SV2B: variants seen among roughly 807,000 people sequenced by gnomAD.
SV2B encodes the protein solute carrier family 22 member B2.
A neutral mutation model predicts 73.9 loss-of-function variants in SV2B; 41 were observed. The ratio of observed to expected loss-of-function variants is 0.56; its 90% CI spans 0.43 to 0.72. SV2B has a LOEUF of 0.72. Among genes scored for constraint, SV2B ranks in the 30% least tolerant of loss-of-function variants. The pLI is 0.00. For missense variants in SV2B, 764 were observed against 857.8 expected, an observed-to-expected ratio of 0.89 and a Z score of 1.37; for synonymous variants, 314 against 314.2, an observed-to-expected ratio of 1.00 and a Z score of 0.01.
At position 91,236,581 on chromosome 15, in the gene SV2B, C is replaced by T. The variant is rs1438982800; in HGVS notation, c.451+9867C>T. On this transcript the variant is annotated intron_variant, in intron 2 of 12. Coordinates refer to ENST00000394232, the MANE Select transcript of SV2B (RefSeq NM_001323032.3). The surrounding 1 kb of genome is among the most constrained non-coding windows in gnomAD (Gnocchi z 4.1). ...TATGTAAGCTTTTGACCTTGGTGGC[C>T]CAATGAAGAGGGTTTAGAGATGGAT... is the stretch of plus-strand genomic sequence containing the variant. 1.3e-5 allele frequency among the ~76,000 whole-genome samples: 2 copies of T among 152,008 alleles called. No individual in the cohort carries two copies. The highest frequency in any genetic ancestry group is 2.4e-5 in the African/African-American group (1 of 41,362).
chr15:91,292,381 C>T lies in SV2B; in HGVS notation c.1881C>T (p.Phe627=), dbSNP rs781548228. ...TCCTCTTTTACAGAGCAACAGCCTT[C>T]GGCATTCTCAATGGATTATGCAAAT... The part of the protein sequence containing the change: ...LYPTNQRATA[F]GILNGLCKFG... Residue 627 remains phenylalanine (F), a synonymous_variant, in exon 13 of 13, where the codon TTC becomes TTT. Transcript: ENST00000394232. The T allele has an allele frequency of 8.7e-6, 14 of 1,613,728 alleles. No individual in the cohort carries two copies. The highest frequency in any genetic ancestry group is 4.5e-5 in the East Asian group (2 of 44,878).
intron 2 of SV2B, among the ~76,000 whole-genome samples, chr15:91,228,827 C>T (rs1486475456): frequency 6.6e-6 from 1 of 152,236 alleles, no homozygotes; most frequent in Admixed American, 6.5e-5. Context: ...AAATGAGTGT[C>T]TAAATGGATC....
rs2048684244 is a variant in SV2B at position 91,281,617 on chromosome 15, G to A, written c.1374-111G>A. ...TGGTCTGGGTTGAAAATAATGCTCT[G>A]GCACCTTTTGCTTGCACATCTCCTT... On this transcript the variant is annotated intron_variant, in intron 9 of 12. Coordinates refer to ENST00000394232, the MANE Select transcript of SV2B (RefSeq NM_001323032.3). The surrounding 1 kb of genome is among the most constrained non-coding windows in gnomAD (Gnocchi z 4.7). 1 of 1,276,980 alleles carries A rather than the reference G, an allele frequency of 7.8e-7. No homozygotes were observed. The highest frequency in any genetic ancestry group is 1.1e-6 in the Non-Finnish European group (1 of 930,406). The allele number at this position is 1,276,980 out of a possible 1,614,324, so 79.1% of individuals were successfully genotyped here. A position where few individuals can be genotyped will look rare whatever the true frequency, so the allele number is the denominator to read the frequency against.
At chr15:91,182,124 C>G (rs1403053614) in intron 1 of SV2B, among the ~76,000 whole-genome samples, 1 of 152,118 alleles carries the variant, frequency 6.6e-6, no homozygotes, top group Non-Finnish European at 1.5e-5. Context: ...CATACTAGCA[C>G]TTCAAAATAA....
intron 1 of SV2B, among the ~76,000 whole-genome samples, chr15:91,222,907 T>A (rs1019339408): frequency 1.3e-5 from 2 of 152,248 alleles, no homozygotes; most frequent in Non-Finnish European, 2.9e-5. Flanking sequence ...TGTTTGATGT[T>A]GTTATTTCAT....
At position 91,116,894 on chromosome 15, in the gene SV2B, G is replaced by C. The variant is rs1039236165; in HGVS notation, c.-392+16531G>C. ...GGCAGGCAAGAGACCATGTGCAGGG[G>C]AACTGCTCTTTATAAAACCATCATC... On this transcript the variant is annotated intron_variant, in intron 1 of 12. Transcript: ENST00000394232. 8.5e-5 allele frequency among the ~76,000 whole-genome samples: 13 copies of C among 152,298 alleles called. No individual in the cohort carries two copies. In the East Asian group the frequency reaches 1.7e-3, roughly 20 times the overall value.
In SV2B at chr15:91,220,183, G is replaced by C. The variant is rs551437406; in HGVS notation, c.-391-5690G>C. 2.0e-5 allele frequency among the ~76,000 whole-genome samples: 3 copies of C among 152,318 alleles called. No individual in the cohort carries two copies. The highest frequency in any genetic ancestry group is 2.0e-4 in the Admixed American group (3 of 15,298). On this transcript the variant is annotated intron_variant, in intron 1 of 12. Coordinates refer to ENST00000394232, the MANE Select transcript of SV2B (RefSeq NM_001323032.3). This position sits in a 1 kb window ranked among gnomAD's most constrained non-coding sequence, Gnocchi z 4.1. ...TGTATGTTTGACATTTTAAGAAACT[G>C]ACGAACTAGCTTCCAAAGGCTATTT...
Position 91,293,542 on chromosome 15 carries a change from A to T in SV2B, c.*990A>T, listed in dbSNP as rs879408193. On this transcript the variant is annotated 3_prime_UTR_variant, in exon 13 of 13. Coordinates refer to ENST00000394232, the MANE Select transcript of SV2B (RefSeq NM_001323032.3). ...ATGACTTGTGAAACTCAAGCTCACCATCTTCAGTGCTGGCATTTTACTTTG... is the reference window on the plus strand; with the variant it reads ...ATGACTTGTGAAACTCAAGCTCACCTTCTTCAGTGCTGGCATTTTACTTTG... 1.3e-5 allele frequency: 2 copies of T among 152,248 alleles called. No individual in the cohort carries two copies. The highest frequency in any genetic ancestry group is 4.8e-5 in the African/African-American group (2 of 41,472). 9.4% of individuals were successfully genotyped at this position (152,248 alleles called of 1,614,324 possible). A position where few individuals can be genotyped will look rare whatever the true frequency, so the allele number is the denominator to read the frequency against.
intron 1 of SV2B, among the ~76,000 whole-genome samples, chr15:91,104,243 T>TCA (rs2041816481): frequency 6.6e-6 from 1 of 152,220 alleles, no homozygotes; most frequent in South Asian, 2.1e-4. Flanking sequence ...TGCTTGCTCA[T>TCA]GTGATTTTGG....
intron 1 of SV2B, among the ~76,000 whole-genome samples, chr15:91,156,863 A>G (rs553064708): frequency 7.2e-5 from 11 of 152,354 alleles, no homozygotes; most frequent in South Asian, 6.2e-4. Flanking sequence ...CACATGGAGA[A>G]CAATCTACCT....
intron 9 of SV2B, among the ~76,000 whole-genome samples, chr15:91,270,175 G>T (rs2048245497): frequency 6.6e-6 from 1 of 152,172 alleles, no homozygotes; most frequent in Admixed American, 6.5e-5. Flanking sequence ...ATTCCCTAAA[G>T]GAGACCTCAT....
Position 91,292,476 on chromosome 15 carries a change from T to C in SV2B, c.1976T>C (p.Leu659Pro). The change falls in exon 13 of 13, where the codon CTG becomes CCG. Residue 659 changes from leucine to proline, a missense_variant. Physicochemically the swap from Leu to Pro is moderately conservative, Grantham distance 98. Coordinates refer to ENST00000394232, the MANE Select transcript of SV2B (RefSeq NM_001323032.3). ...ATAACCAAAGTGGTCCCCATCCTTC[T>C]GGCTGCTGCTTCTCTGGTTGGGGGT... ...VGITKVVPIL[L>P]AAASLVGGGL... 1.2e-6 allele frequency: 2 copies of C among 1,614,254 alleles called. No homozygotes were observed. The highest frequency in any genetic ancestry group is 1.1e-5 in the South Asian group (1 of 91,088).
intron 1 of SV2B, among the ~76,000 whole-genome samples, chr15:91,219,481 GA>G (rs533318891): frequency 1.3e-5 from 2 of 151,722 alleles, no homozygotes; most frequent in African/African-American, 2.4e-5. Context: ...AGATTCTAGT[GA>G]AAAAAAATCT....
Position 91,198,455 on chromosome 15 carries a change from ATGTGTGTGTGTGTGTGTG to A in SV2B, c.-391-27392_-391-27375del, listed in dbSNP as rs5814467. On this transcript the variant is annotated intron_variant, in intron 1 of 12. Transcript: ENST00000394232. ...TGGTTTTCAGCCAAGAAGCACGTGT[ATGTGTGTGTGTGTGTGTG>A]TGTGTGTGTGTGTGTGTGTGTGTGT... 4.4e-5 allele frequency among the ~76,000 whole-genome samples: 6 copies of A among 136,848 alleles called. No homozygotes were observed. In the East Asian group the frequency reaches 8.8e-4, roughly 20 times the overall value. 89.8% of individuals were successfully genotyped at this position (136,848 alleles called of 152,430 possible). A position where few individuals can be genotyped will look rare whatever the true frequency, so the allele number is the denominator to read the frequency against.
At chr15:91,256,094 T>C (rs1410023054) in intron 4 of SV2B, among the ~76,000 whole-genome samples, 1 of 151,856 alleles carries the variant, frequency 6.6e-6, no homozygotes, top group African/African-American at 2.4e-5. Context: ...CGGGTAAAGC[T>C]CAGAAAAAAA....
At chr15:91,212,645 A>G (rs1354902321) in intron 1 of SV2B, among the ~76,000 whole-genome samples, 4 of 152,004 alleles carry the variant, frequency 2.6e-5, no homozygotes, top group Non-Finnish European at 5.9e-5. Flanking sequence ...TTGTAGAGGG[A>G]TGTTCTGGTA....
At chr15:91,168,810 C>A (rs1376588894) in intron 1 of SV2B, among the ~76,000 whole-genome samples, 1 of 152,194 alleles carries the variant, frequency 6.6e-6, no homozygotes, top group East Asian at 1.9e-4. Flanking sequence ...TAGTTCTAAT[C>A]AGTGGGAGAG....
intron 2 of SV2B, among the ~76,000 whole-genome samples, chr15:91,247,046 G>A (rs553323097): frequency 3.2e-4 from 49 of 152,230 alleles, no homozygotes; most frequent in African/African-American, 1.1e-3. Flanking sequence ...TGTTAATTTT[G>A]TATTTCCCTT....
At chr15:91,225,432 T>A (rs538070015) in intron 1 of SV2B, among the ~76,000 whole-genome samples, 1 of 152,376 alleles carries the variant, frequency 6.6e-6, no homozygotes, top group Admixed American at 6.5e-5. Flanking sequence ...AAAGGCTTGA[T>A]AAGTTCTAAC....
Sources: allele counts gnomAD v4.1 joint callset (sites outside exome capture counted in the v4.1 genomes callset), GRCh38; gene constraint gnomAD v4.1.1; non-coding constraint Gnocchi (gnomAD v3.1); transcripts MANE v1.5; gene names NCBI Gene and HGNC (gene_info 2026-07-23, HGNC 2026-07-21).